TDRD15: variants seen among roughly 807,000 people sequenced by gnomAD.
The protein encoded by TDRD15 is tudor domain-containing protein 15.
For synonymous variants in TDRD15, 503 were observed against 314.5 expected (o/e 1.60, Z -6.34); for missense variants, 1,416 against 904.7 (o/e 1.57, Z -7.25).
At chr2:21,129,960 C>T (rs75853433) in intron 2 of TDRD15, among the ~76,000 whole-genome samples, 3 of 152,172 alleles carry the variant, frequency 2.0e-5, no homozygotes, top group Non-Finnish European at 2.9e-5. Context: ...CAGGGCATCA[C>T]GTGGACAGGG....
chr2:21,143,222 C>A lies in TDRD15; in HGVS notation c.5755C>A (p.Pro1919Thr). The A allele has an allele frequency of 3.0e-6, 2 of 664,714 alleles. No homozygotes were observed. Among genetic ancestry groups the A allele is most frequent in the South Asian group, 1.8e-5 (1 of 56,758 alleles). The allele number at this position is 664,714 out of a possible 1,614,324, so 41.2% of individuals were successfully genotyped here. A position where few individuals can be genotyped will look rare whatever the true frequency, so the allele number is the denominator to read the frequency against. Residue 1919 changes from proline to threonine, a missense_variant, in exon 4 of 4, where the codon CCT (proline) becomes ACT (threonine). By Grantham distance (38) the Pro-to-Thr change is conservative. Transcript: ENST00000405799. ...TCTCGCAACTTATTCTAAAGATTCA[C>A]CTCATCTTGATGCAATTACTGCTAC... is the stretch of plus-strand genomic sequence containing the variant. ...SGLATYSKDS[P>T]HLDAITATES...
intron 3 of TDRD15, 25 bp from the exon 4 acceptor site, chr2:21,137,440 T>C (rs1348253098): frequency 1.0e-5 from 6 of 601,858 alleles, no homozygotes; most frequent in Non-Finnish European, 1.8e-5. Flanking sequence ...TGATAGCTAA[T>C]GAGTAATTAT....
In TDRD15 at chr2:21,143,006, C is replaced by G; in HGVS notation, c.5539C>G (p.Pro1847Ala). 1 of 700,956 alleles carries G rather than the reference C, an allele frequency of 1.4e-6. No homozygotes were observed. The highest frequency in any genetic ancestry group is 2.6e-6 in the Non-Finnish European group (1 of 379,850). 43.4% of individuals were successfully genotyped at this position (700,956 alleles called of 1,614,324 possible). The change falls in exon 4 of 4, where the codon CCA becomes GCA. Residue 1847 changes from proline (P) to alanine (A), a missense_variant. Coordinates refer to ENST00000405799, the MANE Select transcript of TDRD15 (RefSeq NM_001306137.2). ...ELLNLPRLSY[P>A]CILYGILPAK... is the part of the protein sequence containing the mutation. ...TTTGAATTTGCCAAGGCTGAGTTAT[C>G]CATGTATTTTATATGGTATCTTACC...
chr2:21,140,982 A>G lies in TDRD15; in HGVS notation c.3515A>G (p.Lys1172Arg), dbSNP rs752176803. The G allele has an allele frequency of 2.2e-5, 16 of 714,082 alleles. No individual in the cohort carries two copies. The highest frequency in any genetic ancestry group is 7.0e-5 in the African/African-American group (4 of 57,008). The allele number at this position is 714,082 out of a possible 1,614,324, so 44.2% of individuals were successfully genotyped here. The change falls in exon 4 of 4, where the codon AAA becomes AGA. Residue 1172 changes from lysine (K) to arginine (R), a missense_variant. By Grantham distance (26) the Lys-to-Arg change is conservative (BLOSUM62 2). Transcript: ENST00000405799. ...NKRFTTSLKG[K>R]TGNNYRHNVI... ...AGATTTACTACTTCTTTGAAAGGCA[A>G]AACAGGAAACAACTATCGCCATAAT...
intron 3 of TDRD15, among the ~76,000 whole-genome samples, chr2:21,136,541 G>A (rs1268060053): frequency 6.6e-6 from 1 of 151,850 alleles, no homozygotes; most frequent in Non-Finnish European, 1.5e-5. Context: ...TCATTTTGAG[G>A]GGGAAGGCAT....
At chr2:21,131,435 TAAACTAACTTCGAAG>T (rs972612387) in intron 2 of TDRD15, among the ~76,000 whole-genome samples, 1 of 152,258 alleles carries the variant, frequency 6.6e-6, no homozygotes, top group Non-Finnish European at 1.5e-5. Context: ...TTCCACATTG[TAAACTAACTTCGAAG>T]AAACTACTAC....
At chr2:21,133,651 A>C (rs1251426600) in intron 2 of TDRD15, among the ~76,000 whole-genome samples, 2 of 152,156 alleles carry the variant, frequency 1.3e-5, no homozygotes, top group Non-Finnish European at 2.9e-5. Context: ...ACCTTTAAAA[A>C]ATTTAAAGCA....
At position 21,142,358 on chromosome 2, in the gene TDRD15, A is replaced by G. The variant is rs1665953028; in HGVS notation, c.4891A>G (p.Arg1631Gly). Residue 1631 changes from arginine to glycine, a missense_variant, in exon 4 of 4, where the codon AGA becomes GGA. Transcript: ENST00000405799. ...CNTKLLSNEI[R>G]NIPRQAVPCK... ...TACCAAGCTGCTTAGTAATGAAATAAGAAACATTCCTAGACAAGCTGTACC... is the reference window on the plus strand; with the variant it reads ...TACCAAGCTGCTTAGTAATGAAATAGGAAACATTCCTAGACAAGCTGTACC... The G allele has an allele frequency of 1.4e-6, 1 of 691,138 alleles. No individual in the cohort carries two copies. The highest frequency in any genetic ancestry group is 2.7e-6 in the Non-Finnish European group (1 of 375,898). 42.8% of individuals were successfully genotyped at this position (691,138 alleles called of 1,614,324 possible).
At chr2:21,133,600 A>G (rs1441398868) in intron 2 of TDRD15, among the ~76,000 whole-genome samples, 3 of 152,146 alleles carry the variant, frequency 2.0e-5, no homozygotes, top group South Asian at 4.1e-4. Context: ...CCGAAAAATG[A>G]AGGATCTTAT....
chr2:21,135,041 C>G (rs1030819501), intron 3 of TDRD15, among the ~76,000 whole-genome samples, 194 bp downstream of exon 3: 1 of 139,726 alleles, frequency 7.2e-6, no homozygotes, highest in Admixed American at 7.3e-5. Flanking sequence ...TATTTATACA[C>G]AATTTATATA....
At position 21,142,627 on chromosome 2, in the gene TDRD15, A is replaced by G; in HGVS notation, c.5160A>G (p.Thr1720=). Residue 1720 remains threonine (T), a synonymous_variant, in exon 4 of 4, where the codon ACA becomes ACG. Coordinates refer to ENST00000405799, the MANE Select transcript of TDRD15 (RefSeq NM_001306137.2). ...CTAAGACTCCTGTATCATCATGCAC[A>G]ATAAAATCATTTACTTGGGTTCAAT... ...IESKTPVSSC[T]IKSFTWVQFQ... 3 of 712,706 alleles carry G rather than the reference A, an allele frequency of 4.2e-6. No homozygotes were observed. Among genetic ancestry groups the G allele is most frequent in the Non-Finnish European group, 7.8e-6 (3 of 383,028 alleles). The allele number at this position is 712,706 out of a possible 1,614,324, so 44.1% of individuals were successfully genotyped here. A position where few individuals can be genotyped will look rare whatever the true frequency, so the allele number is the denominator to read the frequency against.
At chr2:21,130,505 T>C (rs531480035) in intron 2 of TDRD15, among the ~76,000 whole-genome samples, 1 of 152,314 alleles carries the variant, frequency 6.6e-6, no homozygotes, top group African/African-American at 2.4e-5. Flanking sequence ...CCCCCAAAAT[T>C]CCTTGTAAAG....
intron 3 of TDRD15, among the ~76,000 whole-genome samples, chr2:21,135,858 T>G (rs779599046): frequency 4.6e-5 from 7 of 152,120 alleles, no homozygotes; most frequent in Non-Finnish European, 8.8e-5. Context: ...GAGGGAGAGA[T>G]AGTGACGTGG....
At position 21,137,755 on chromosome 2, in the gene TDRD15, C is replaced by A; in HGVS notation, c.288C>A (p.Arg96=). Residue 96 remains arginine (R), a synonymous_variant, in exon 4 of 4, where the codon CGC becomes CGA. Transcript: ENST00000405799. The part of the protein sequence containing the change: ...NELYTVLLID[R]GEELRVAGPQ... ...TCTATACAGTGCTCCTCATAGATCG[C>A]GGAGAAGAACTAAGAGTTGCTGGTC... The A allele has an allele frequency of 1.4e-6, 1 of 716,570 alleles. No homozygotes were observed. Among genetic ancestry groups the A allele is most frequent in the East Asian group, 2.7e-5 (1 of 37,266 alleles). The allele number at this position is 716,570 out of a possible 1,614,324, so 44.4% of individuals were successfully genotyped here. A position where few individuals can be genotyped will look rare whatever the true frequency, so the allele number is the denominator to read the frequency against.
At chr2:21,131,123 T>C (rs1003648804) in intron 2 of TDRD15, among the ~76,000 whole-genome samples, 1 of 152,092 alleles carries the variant, frequency 6.6e-6, no homozygotes, top group East Asian at 1.9e-4. Flanking sequence ...AATGATAAAA[T>C]CCAAGTTTTA....
In TDRD15 at chr2:21,139,380, C is replaced by T. The variant is rs761760647; in HGVS notation, c.1913C>T (p.Thr638Ile). The change falls in exon 4 of 4, where the codon ACT becomes ATT. Residue 638 changes from threonine to isoleucine, a missense_variant. Thr to Ile is a moderately conservative substitution (Grantham distance 89, BLOSUM62 -1). Transcript: ENST00000405799. ...ATAGCAAAAAAAGATGACAAGTACA[C>T]TGTAAATATTCAAAGTGTTGAAGCC... ...QVIAKKDDKY[T>I]VNIQSVEASE... 13 of 710,280 alleles carry T rather than the reference C, an allele frequency of 1.8e-5. No homozygotes were observed. The South Asian group carries it at 2.0e-4, about 11-fold the overall frequency. 44.0% of individuals were successfully genotyped at this position (710,280 alleles called of 1,614,324 possible).
intron 2 of TDRD15, among the ~76,000 whole-genome samples, chr2:21,133,140 T>C (rs914759377): frequency 1.3e-5 from 2 of 152,166 alleles, no homozygotes; most frequent in Non-Finnish European, 2.9e-5. Context: ...TCCAGTTTTA[T>C]TTTCATCACA....
Position 21,138,940 on chromosome 2 carries a change from A to G in TDRD15, c.1473A>G (p.Val491=). 1 of 714,462 alleles carries G rather than the reference A, an allele frequency of 1.4e-6. No homozygotes were observed. The highest frequency in any genetic ancestry group is 2.6e-6 in the Non-Finnish European group (1 of 383,692). 44.3% of individuals were successfully genotyped at this position (714,462 alleles called of 1,614,324 possible). A position where few individuals can be genotyped will look rare whatever the true frequency, so the allele number is the denominator to read the frequency against. The change falls in exon 4 of 4, where the codon GTA becomes GTG. Residue 491 remains valine (V), a synonymous_variant. Transcript: ENST00000405799. ...CCTACATAGCTTTTATAGCATATGTATTAAACCCATCAAATTTCTGGGTAC... is the reference window on the plus strand; with the variant it reads ...CCTACATAGCTTTTATAGCATATGTGTTAAACCCATCAAATTTCTGGGTAC... ...EAAYIAFIAY[V]LNPSNFWVRT...
rs1041016364 is a variant in TDRD15 at position 21,141,229 on chromosome 2, A to T, written c.3762A>T (p.Lys1254Asn). Residue 1254 changes from lysine to asparagine, a missense_variant, in exon 4 of 4, where the codon AAA becomes AAT. Physicochemically the swap from Lys to Asn is moderately conservative, Grantham distance 94 (BLOSUM62 0). Transcript: ENST00000405799. ...HILENRRVGQ[K>N]SVKVVSQSFI... ...TTGAGAACAGGCGTGTGGGCCAAAA[A>T]TCAGTAAAGGTTGTATCACAGTCTT... The T allele has an allele frequency of 1.4e-6, 1 of 713,370 alleles. No homozygotes were observed. The allele number at this position is 713,370 out of a possible 1,614,324, so 44.2% of individuals were successfully genotyped here. A position where few individuals can be genotyped will look rare whatever the true frequency, so the allele number is the denominator to read the frequency against.
Sources: allele counts gnomAD v4.1 joint callset (sites outside exome capture counted in the v4.1 genomes callset), GRCh38; gene constraint gnomAD v4.1.1; transcripts MANE v1.5; gene names NCBI Gene and HGNC (gene_info 2026-07-23, HGNC 2026-07-21).